The following EMC3 variants were observed in gnomAD, a reference collection of about 807,000 sequenced individuals.
EMC3 encodes ER membrane protein complex subunit 3.
Under a neutral mutation model 36.6 loss-of-function variants are expected in EMC3, and 13 were observed. That is an observed-to-expected ratio of 0.35 (90% CI 0.23 to 0.56). EMC3 has a LOEUF of 0.56. Ranked by LOEUF, EMC3 falls within the 20% of genes least tolerant of loss-of-function variation. The pLI, the probability that EMC3 is intolerant of heterozygous loss-of-function variation, is 0.84. For missense variants in EMC3, 220 were observed against 324.5 expected (o/e 0.68, Z 2.47); for synonymous variants, 120 against 111.9 (o/e 1.07, Z -0.46).
At chr3:10,006,013 C>T (rs941691103) in intron 1 of EMC3, among the ~76,000 whole-genome samples, 1 of 152,312 alleles carries the variant, frequency 6.6e-6, no homozygotes, top group South Asian at 2.1e-4. Flanking sequence ...GGCAGAAGAC[C>T]GCCATTCTTG....
At chr3:9,994,829 C>G (rs1021313716) in intron 1 of EMC3, among the ~76,000 whole-genome samples, 2 of 152,134 alleles carry the variant, frequency 1.3e-5, no homozygotes, top group South Asian at 2.1e-4. Context: ...GCCTCGCCCT[C>G]CCAAAGTGCT....
intron 1 of EMC3, among the ~76,000 whole-genome samples, chr3:10,000,166 G>A (rs1343606374): frequency 6.6e-6 from 1 of 152,046 alleles, no homozygotes; most frequent in East Asian, 1.9e-4. Flanking sequence ...AGCCTCCCAA[G>A]TAGCTGGGAT....
At chr3:9,993,645 A>C (rs1447917701) in intron 1 of EMC3, among the ~76,000 whole-genome samples, 2 of 152,242 alleles carry the variant, frequency 1.3e-5, no homozygotes, top group Non-Finnish European at 2.9e-5. Context: ...ATAAAGCATT[A>C]TACCCAGCTT....
rs2085777521 is a variant in EMC3 at position 9,970,806 on chromosome 3, A to G, written c.495-145T>C. 5 of 705,874 alleles carry G rather than the reference A, an allele frequency of 7.1e-6. No individual in the cohort carries two copies. The South Asian group carries it at 8.7e-5, about 12-fold the overall frequency. 43.7% of individuals were successfully genotyped at this position (705,874 alleles called of 1,614,324 possible). ...TATTCATCCAAAGCACAACCACAGAAGAAATACAAGTTGTTAAAGCAGTCT... is the reference window on the plus strand; with the variant it reads ...TATTCATCCAAAGCACAACCACAGAGGAAATACAAGTTGTTAAAGCAGTCT... On this transcript the variant is annotated intron_variant, in intron 5 of 7. Transcript: ENST00000245046.
At chr3:9,991,717 A>G (rs557246964), upstream of EMC3, among the ~76,000 whole-genome samples, 2 of 152,200 alleles carry the variant, frequency 1.3e-5, no homozygotes, top group African/African-American at 2.4e-5. Context: ...TTTCCACTTC[A>G]TATCAGGAAT....
chr3:9,969,675 C>T, intron 7 of EMC3, 44 bp downstream of exon 7: 1 of 1,614,012 alleles, frequency 6.2e-7, no homozygotes, highest in Non-Finnish European at 8.5e-7. Flanking sequence ...CTTGGTAACA[C>T]CTTTCAGAGC....
At position 9,963,804 on chromosome 3, in the gene EMC3, G is replaced by A; in HGVS notation, c.*265C>T. The A allele has an allele frequency of 2.8e-6, 1 of 362,620 alleles. No homozygotes were observed. Among genetic ancestry groups the A allele is most frequent in the Non-Finnish European group, 4.9e-6 (1 of 203,688 alleles). 22.5% of individuals were successfully genotyped at this position (362,620 alleles called of 1,614,324 possible). On this transcript the variant is annotated 3_prime_UTR_variant, in exon 8 of 8. Transcript: ENST00000245046. ...ATTTTATATATTATCAGTAGCCTGA[G>A]GTTTCCCCCTTTCTCTGACTTTCAT...
chr3:9,964,762 T>G (rs2085720510), intron 7 of EMC3, among the ~76,000 whole-genome samples: 1 of 152,224 alleles, frequency 6.6e-6, no homozygotes, highest in African/African-American at 2.4e-5. Flanking sequence ...CCAGTAATTT[T>G]TAATCACTGG....
chr3:9,969,056 C>T (rs1186629134), intron 7 of EMC3: 1 of 153,314 alleles, frequency 6.5e-6, no homozygotes, highest in Admixed American at 6.5e-5. Flanking sequence ...AACTCCTGAC[C>T]TCAGCTGACC....
chr3:10,005,901 C>T (rs1037283782), intron 1 of EMC3, among the ~76,000 whole-genome samples: 5 of 152,232 alleles, frequency 3.3e-5, no homozygotes, highest in African/African-American at 1.2e-4. Flanking sequence ...CCCACCTCTC[C>T]TTCCCCATCC....
At chr3:9,984,268 G>C (rs2085944137) in intron 1 of EMC3, among the ~76,000 whole-genome samples, 1 of 151,448 alleles carries the variant, frequency 6.6e-6, no homozygotes, top group African/African-American at 2.4e-5. Flanking sequence ...TTTTAGTAGA[G>C]ATGGGGTTTC....
intron 1 of EMC3, among the ~76,000 whole-genome samples, chr3:9,983,673 A>G (rs1168199902): frequency 9.6e-6 from 1 of 104,564 alleles, no homozygotes; most frequent in Non-Finnish European, 2.2e-5. Context: ...CTGGTCTCCA[A>G]AAAAAAAAAG....
chr3:9,997,974 C>G (rs1042006536), intron 1 of EMC3, among the ~76,000 whole-genome samples: 2 of 152,132 alleles, frequency 1.3e-5, no homozygotes, highest in Non-Finnish European at 2.9e-5. Flanking sequence ...GAACCACCAC[C>G]GCTTTCCATA....
intron 7 of EMC3, among the ~76,000 whole-genome samples, chr3:9,965,416 C>CGATCGATA (rs1553602401): frequency 4.5e-4 from 65 of 145,860 alleles, no homozygotes; most frequent in Admixed American, 1.3e-3. Flanking sequence ...GTGAGACCCT[C>CGATCGATA]GATAGATAGA....
upstream of EMC3, chr3:9,988,039 T>G (rs1399404826): frequency 9.8e-6 from 7 of 711,856 alleles, no homozygotes; most frequent in Non-Finnish European, 1.8e-5. Flanking sequence ...GCCACCCTTT[T>G]CCTCACATAG....
At chr3:9,990,086 G>T (rs1005220033), upstream of EMC3, among the ~76,000 whole-genome samples, 2 of 150,650 alleles carry the variant, frequency 1.3e-5, no homozygotes, top group Non-Finnish European at 3.0e-5. Context: ...AGGCAGTGGC[G>T]CAATCTCAGC....
chr3:10,009,288 C>G (rs969317925), intron 1 of EMC3, among the ~76,000 whole-genome samples: 1 of 152,214 alleles, frequency 6.6e-6, no homozygotes, highest in African/African-American at 2.4e-5. Context: ...CTTCTATATA[C>G]TTGCTAGTAT....
upstream of EMC3, chr3:9,987,059 A>G (rs1429454945): frequency 1.8e-5 from 17 of 934,014 alleles, no homozygotes; most frequent in Non-Finnish European, 2.2e-5. Flanking sequence ...CTAAAAATAC[A>G]AAAAAATTAG....
At position 9,973,729 on chromosome 3, in the gene EMC3, C is replaced by G. The variant is rs1409378428; in HGVS notation, c.413-20G>C. 6.2e-7 allele frequency: 1 copy of G among 1,602,406 alleles called. No individual in the cohort carries two copies. Among genetic ancestry groups the G allele is most frequent in the Non-Finnish European group, 8.6e-7 (1 of 1,169,434 alleles). ...CCTTGGCTGCAGAGAAGAAAAAGTT[C>G]ACAATCACTCTGAGCTGTTTTATTT... is the stretch of plus-strand genomic sequence containing the variant. On this transcript the variant is annotated intron_variant, in intron 4 of 7. Coordinates refer to ENST00000245046, the MANE Select transcript of EMC3 (RefSeq NM_001394674.1).
Sources: gnomAD v4.1 joint callset for allele counts (sites outside exome capture counted in the v4.1 genomes callset) on GRCh38, gnomAD v4.1.1 for gene constraint, MANE v1.5 for transcripts, NCBI Gene and HGNC (gene_info 2026-07-23, HGNC 2026-07-21) for gene names.